Variants in ZNF536 observed in about 807,000 individuals in gnomAD.
ZNF536 encodes the protein zinc finger protein 536.
Under a neutral mutation model 84.5 loss-of-function variants are expected in ZNF536, and 13 were observed. The ratio of observed to expected loss-of-function variants is 0.15; its 90% CI spans 0.10 to 0.24. The LOEUF is 0.24. Among genes scored for constraint, ZNF536 ranks in the 10% least tolerant of loss-of-function variants. The pLI is 1.00. For synonymous variants in ZNF536, 811 were observed against 742.5 expected, an observed-to-expected ratio of 1.09 and a Z score of -1.50; for missense variants, 1,536 against 1,747.5, an observed-to-expected ratio of 0.88 and a Z score of 2.16.
intron 1 of ZNF536, among the ~76,000 whole-genome samples, chr19:30,664,224 C>G (rs1021954433): frequency 1.1e-5 from 1 of 89,540 alleles, no homozygotes; most frequent in Non-Finnish European, 2.3e-5. Flanking sequence ...CTCTCTCTCT[C>G]TCTCTCTCTC....
chr19:30,472,326 C>T (rs997274468), intron 2 of ZNF536, among the ~76,000 whole-genome samples: 6 of 152,138 alleles, frequency 3.9e-5, no homozygotes, highest in Non-Finnish European at 8.8e-5. Flanking sequence ...AAGAGAGTGG[C>T]GGCAGGTCGG....
At chr19:30,305,057 G>A (rs2046303962) in intron 2 of ZNF536, among the ~76,000 whole-genome samples, 1 of 152,212 alleles carries the variant, frequency 6.6e-6, no homozygotes, top group Admixed American at 6.5e-5. Context: ...AGAGGAGTAG[G>A]AGGGCTGAAG....
chr19:30,575,950 C>T (rs560045673), intron 1 of ZNF536, among the ~76,000 whole-genome samples: 11 of 152,194 alleles, frequency 7.2e-5, no homozygotes, highest in Non-Finnish European at 1.0e-4. Context: ...AGAGCGACTC[C>T]GGCAGAGGCC....
chr19:30,374,061 T>C (rs1412587601), intron 1 of ZNF536, among the ~76,000 whole-genome samples: 1 of 152,220 alleles, frequency 6.6e-6, no homozygotes, highest in Non-Finnish European at 1.5e-5. Context: ...TTATTATTAT[T>C]TTTTAATGGT....
chr19:30,319,016 T>A (rs1253017880), intron 2 of ZNF536, among the ~76,000 whole-genome samples: 1 of 152,272 alleles, frequency 6.6e-6, no homozygotes, highest in Non-Finnish European at 1.5e-5. Flanking sequence ...ATGAATCGGC[T>A]TTAGCAAGTG....
rs1024724302 is a variant in ZNF536 at position 30,445,655 on chromosome 19, G to T, written c.2093G>T (p.Ser698Ile). Residue 698 changes from serine to isoleucine, a missense_variant, in exon 2 of 5, where the codon AGC becomes ATC. Physicochemically the swap from Ser to Ile is moderately radical, Grantham distance 142. This residue lies in a region of ZNF536 where 148 missense variants were observed against 205.4 expected (regional missense o/e 0.72). Transcript: ENST00000355537. This position sits in a 1 kb window ranked among gnomAD's most constrained non-coding sequence, Gnocchi z 4.5. ...TPGSSNVTEE[S>I]GVGGGLSQTG... The stretch of plus-strand genomic sequence containing the variant: ...GGCTCCTCTAACGTCACCGAGGAGA[G>T]CGGGGTCGGAGGCGGCCTCTCCCAG... The T allele has an allele frequency of 3.7e-6, 6 of 1,611,314 alleles. No individual in the cohort carries two copies. In the South Asian group the frequency reaches 4.4e-5, roughly 12 times the overall value.
intron 2 of ZNF536, among the ~76,000 whole-genome samples, chr19:30,527,138 C>A (rs758939137): frequency 6.7e-6 from 1 of 150,068 alleles, no homozygotes; most frequent in Non-Finnish European, 1.5e-5. Flanking sequence ...AGGTTGGTCT[C>A]GAACTCCTGA....
intron 1 of ZNF536, among the ~76,000 whole-genome samples, chr19:30,702,688 G>A (rs1251605258): frequency 6.6e-6 from 1 of 152,208 alleles, no homozygotes; most frequent in Non-Finnish European, 1.5e-5. Flanking sequence ...CTGCTCCTAG[G>A]ATGCTGCACT....
rs2049628825 is a variant in ZNF536 at position 30,392,341 on chromosome 19, GC to G, written c.-3+19787del. ...AAAATATGAAGGGAGGTTAGGAGCA[GC>G]CGCCAAAGGGATTCCATTAAGGAGA... On this transcript the variant is annotated intron_variant, in intron 1 of 4. Transcript: ENST00000355537. Among the ~76,000 whole-genome samples, 3 of 152,306 alleles carry G rather than the reference GC, an allele frequency of 2.0e-5. No individual in the cohort carries two copies. The South Asian group carries it at 6.2e-4, about 32-fold the overall frequency.
At chr19:30,655,750 C>G (rs1345034660) in intron 1 of ZNF536, among the ~76,000 whole-genome samples, 1 of 152,142 alleles carries the variant, frequency 6.6e-6, no homozygotes, top group African/African-American at 2.4e-5. Context: ...GTTAAAATTC[C>G]CTGTTCATGT....
rs932346216 is a variant in ZNF536 at position 30,444,368 on chromosome 19, C to T, written c.806C>T (p.Ala269Val). The change falls in exon 2 of 5, where the codon GCC becomes GTC. Residue 269 changes from alanine to valine, a missense_variant. This residue lies in a region of ZNF536 where 138 missense variants were observed against 136.8 expected (regional missense o/e 1.01). Transcript: ENST00000355537. ...GCCAGCGTGCAGGAGGACGCGGTGGCCCCGGCGGCGGGCTTCCGCTGTACC... is the reference window on the plus strand; with the variant it reads ...GCCAGCGTGCAGGAGGACGCGGTGGTCCCGGCGGCGGGCTTCCGCTGTACC... ...KPASVQEDAV[A>V]PAAGFRCTFC... is the part of the protein sequence containing the mutation. The T allele has an allele frequency of 1.2e-6, 2 of 1,602,880 alleles. No homozygotes were observed. Among genetic ancestry groups the T allele is most frequent in the Non-Finnish European group, 1.7e-6 (2 of 1,179,246 alleles).
At chr19:30,225,823 C>G (rs925945977), upstream of ZNF536, among the ~76,000 whole-genome samples, 1 of 151,082 alleles carries the variant, frequency 6.6e-6, no homozygotes, top group Non-Finnish European at 1.5e-5. Flanking sequence ...CCGTCCCCTC[C>G]CCCTCCCCAT....
At chr19:30,391,562 G>A (rs59979348) in intron 1 of ZNF536, among the ~76,000 whole-genome samples, 11,538 of 152,124 alleles carry the variant, frequency 0.076, 1,501 homozygotes, top group African/African-American at 0.26. Context: ...GGCAACAAGA[G>A]TGAAAGTCTG....
intron 1 of ZNF536, among the ~76,000 whole-genome samples, chr19:30,426,327 G>A (rs2051212160): frequency 6.6e-6 from 1 of 152,158 alleles, no homozygotes; most frequent in Admixed American, 6.5e-5. Flanking sequence ...ATGGTGGGGG[G>A]ATGTCATGTT....
chr19:30,614,046 A>G (rs1448141733), intron 1 of ZNF536, among the ~76,000 whole-genome samples: 1 of 152,150 alleles, frequency 6.6e-6, no homozygotes, highest in Non-Finnish European at 1.5e-5. Flanking sequence ...TATTTTTAGT[A>G]GAGACGGGGT....
chr19:30,242,971 C>T (rs2024037818), intron 1 of ZNF536, among the ~76,000 whole-genome samples: 1 of 151,904 alleles, frequency 6.6e-6, no homozygotes, highest in Non-Finnish European at 1.5e-5. Flanking sequence ...TCCAAAGAGT[C>T]CTGCATACAT....
chr19:30,597,181 C>T (rs538622648), intron 1 of ZNF536, among the ~76,000 whole-genome samples: 21 of 152,328 alleles, frequency 1.4e-4, no homozygotes, highest in African/African-American at 5.1e-4. Flanking sequence ...CTCAGGTTCC[C>T]CCAACTTCTG....
At chr19:30,277,695 T>A (rs2045287402) in intron 1 of ZNF536, among the ~76,000 whole-genome samples, 1 of 152,236 alleles carries the variant, frequency 6.6e-6, no homozygotes, top group African/African-American at 2.4e-5. Flanking sequence ...ATACAGGTGC[T>A]ACCGCCTGTG....
chr19:30,561,943 A>AC (rs1289482808), downstream of ZNF536, among the ~76,000 whole-genome samples: 1 of 152,202 alleles, frequency 6.6e-6, no homozygotes, highest in African/African-American at 2.4e-5. Flanking sequence ...TCGCAGACCT[A>AC]CCAGAGCCAC....
Sources: allele counts gnomAD v4.1 joint callset (sites outside exome capture counted in the v4.1 genomes callset), GRCh38; gene constraint gnomAD v4.1.1; regional missense constraint gnomAD v4.1.1; non-coding constraint Gnocchi (gnomAD v3.1); transcripts MANE v1.5; gene names NCBI Gene and HGNC (gene_info 2026-07-23, HGNC 2026-07-21).